The following BAG4 variants were observed in gnomAD, a reference collection of about 807,000 sequenced individuals.
BAG4 encodes the protein BAG cochaperone 4.
In BAG4, 28 loss-of-function variants were observed where a neutral mutation model predicts 52.1. The observed-to-expected ratio is 0.54, with a 90% CI of 0.40 to 0.74. The LOEUF (loss-of-function observed/expected upper bound fraction) is 0.74. Ranked by LOEUF, BAG4 falls within the 30% of genes least tolerant of loss-of-function variation. The pLI is 0.00. For synonymous variants in BAG4, 208 were observed against 217.0 expected, an observed-to-expected ratio of 0.96 and a Z score of 0.37; for missense variants, 525 against 572.0, an observed-to-expected ratio of 0.92 and a Z score of 0.84.
intron 2 of BAG4, among the ~76,000 whole-genome samples, chr8:38,197,852 A>G (rs1046941589): frequency 1.3e-5 from 2 of 151,910 alleles, no homozygotes; most frequent in Non-Finnish European, 2.9e-5. Context: ...GGCGTGTGCC[A>G]CCACACCTGG....
At chr8:38,203,613 G>T (rs1481268515) in intron 2 of BAG4, among the ~76,000 whole-genome samples, 1 of 151,998 alleles carries the variant, frequency 6.6e-6, no homozygotes, top group African/African-American at 2.4e-5. Flanking sequence ...TCCTGTTACA[G>T]ACATATGTAG....
chr8:38,198,592 A>ACC lies in BAG4; in HGVS notation c.378+5797_378+5798insCC, dbSNP rs1359718194. 2.8e-4 allele frequency among the ~76,000 whole-genome samples: 41 copies of ACC among 148,626 alleles called. No homozygotes were observed. In the South Asian group the frequency reaches 8.4e-3, roughly 31 times the overall value. The stretch of plus-strand genomic sequence containing the variant: ...CGACCTCCGCCTCCCAGGTTCAAGC[A>ACC]ATTCTCCTGCCTCAGCCTCCTGAGT... On this transcript the variant is annotated intron_variant, in intron 2 of 4. Coordinates refer to ENST00000287322, the MANE Select transcript of BAG4 (RefSeq NM_004874.4).
rs189394265 is a variant in BAG4, at chr8:38,206,279, A to G, written c.379-1233A>G. Among the ~76,000 whole-genome samples, 33 of 151,556 alleles carry G rather than the reference A, an allele frequency of 2.2e-4. No individual in the cohort carries two copies. The East Asian group carries it at 6.1e-3, about 28-fold the overall frequency. ...GACAGAGCAAGACTCCATCTTAAAA[A>G]AAAAAAAAAAAGTGATCCTCCCTTC... is the stretch of plus-strand genomic sequence containing the variant. On this transcript the variant is annotated intron_variant, in intron 2 of 4. Coordinates refer to ENST00000287322, the MANE Select transcript of BAG4 (RefSeq NM_004874.4).
At position 38,207,769 on chromosome 8, in the gene BAG4, G is replaced by A. The variant is rs1400514056; in HGVS notation, c.633+3G>A. 3.1e-6 allele frequency: 5 copies of A among 1,613,472 alleles called. No homozygotes were observed. In the African/African-American group the frequency reaches 4.0e-5, roughly 13 times the overall value. ...TTCCAGGATATCCGCCTTCACAGGTGAGTTGTTTTCTATTGGGAAAAAAAT... is the reference window on the plus strand; with the variant it reads ...TTCCAGGATATCCGCCTTCACAGGTAAGTTGTTTTCTATTGGGAAAAAAAT... On this transcript the variant is annotated splice_donor_region_variant and intron_variant, in intron 3 of 4. Transcript: ENST00000287322.
intron 2 of BAG4, among the ~76,000 whole-genome samples, chr8:38,200,473 ACTCT>A (rs751710873): frequency 5.3e-5 from 8 of 151,310 alleles, no homozygotes; most frequent in African/African-American, 1.7e-4. Context: ...AAAGAGATGG[ACTCT>A]CTCTCTCTTT....
intron 2 of BAG4, among the ~76,000 whole-genome samples, chr8:38,205,921 CTTT>C (rs869059707): frequency 7.2e-6 from 1 of 138,362 alleles, no homozygotes; most frequent in African/African-American, 2.6e-5. Flanking sequence ...TTAAAAATTA[CTTT>C]TTTTTTTTTT....
At chr8:38,184,637 C>T (rs1389894150) in intron 1 of BAG4, among the ~76,000 whole-genome samples, 1 of 152,098 alleles carries the variant, frequency 6.6e-6, no homozygotes, top group East Asian at 1.9e-4. Flanking sequence ...AATGGCATTG[C>T]GGTGTTGACA....
Position 38,210,163 on chromosome 8 carries a change from T to C in BAG4, c.1044T>C (p.Tyr348=). The change falls in exon 5 of 5, where the codon TAT becomes TAC. Residue 348 remains tyrosine (Y), a synonymous_variant. Transcript: ENST00000287322. Reference sequence around the variant, plus strand: ...AGTATAGTGCTGAGCCTCAGCTGTATGGTAATGCCACCAGTGACCATCCCA... The same window carrying C: ...AGTATAGTGCTGAGCCTCAGCTGTACGGTAATGCCACCAGTGACCATCCCA... The part of the protein sequence containing the change: ...QVQYSAEPQL[Y]GNATSDHPNN... 1.2e-6 allele frequency: 2 copies of C among 1,614,188 alleles called. No homozygotes were observed. The highest frequency in any genetic ancestry group is 1.7e-6 in the Non-Finnish European group (2 of 1,180,032).
rs1007719501 is a variant in BAG4 at position 38,209,413 on chromosome 8, G to A, written c.888+146G>A. 21 of 1,053,472 alleles carry A rather than the reference G, an allele frequency of 2.0e-5. No individual in the cohort carries two copies. In the African/African-American group the frequency reaches 2.3e-4, roughly 11 times the overall value. 65.3% of individuals were successfully genotyped at this position (1,053,472 alleles called of 1,614,324 possible). A position where few individuals can be genotyped will look rare whatever the true frequency, so the allele number is the denominator to read the frequency against. Reference sequence around the variant, plus strand: ...CTTATCTATAGCTTTACCTCAGCTCGGTTTCCTTTTTCTTTTTTTTAATAG... The same window carrying A: ...CTTATCTATAGCTTTACCTCAGCTCAGTTTCCTTTTTCTTTTTTTTAATAG... On this transcript the variant is annotated intron_variant, in intron 4 of 4. Coordinates refer to ENST00000287322, the MANE Select transcript of BAG4 (RefSeq NM_004874.4).
chr8:38,209,125 A>G lies in BAG4; in HGVS notation c.746A>G (p.Tyr249Cys). ...GATGCGTGGGCTTCTCCTGGTGCTT[A>G]TGGAATGGGTGGCCGTTATCCCTGG... The part of the protein sequence containing the change: ...QEDAWASPGA[Y>C]GMGGRYPWPS... The change falls in exon 4 of 5, where the codon TAT becomes TGT. Residue 249 changes from tyrosine (Y) to cysteine (C), a missense_variant. Physicochemically the swap from Tyr to Cys is radical, Grantham distance 194. This residue lies in a region of BAG4 where 238 missense variants were observed against 305.8 expected (regional missense o/e 0.78). Coordinates refer to ENST00000287322, the MANE Select transcript of BAG4 (RefSeq NM_004874.4). 1.9e-6 allele frequency: 3 copies of G among 1,614,116 alleles called. No individual in the cohort carries two copies. In the East Asian group the frequency reaches 6.7e-5, roughly 36 times the overall value.
chr8:38,202,130 C>G (rs1373235525), intron 2 of BAG4: 1 of 151,748 alleles, frequency 6.6e-6, no homozygotes, highest in African/African-American at 2.4e-5. Context: ...CGGAAGTTCA[C>G]AATCTCAGGC....
chr8:38,210,812 G>C lies in BAG4; in HGVS notation c.*319G>C. 1.0e-5 allele frequency: 2 copies of C among 198,116 alleles called. No individual in the cohort carries two copies. The highest frequency in any genetic ancestry group is 1.3e-4 in the South Asian group (1 of 7,870). The allele number at this position is 198,116 out of a possible 1,614,324, so 12.3% of individuals were successfully genotyped here. A position where few individuals can be genotyped will look rare whatever the true frequency, so the allele number is the denominator to read the frequency against. On this transcript the variant is annotated 3_prime_UTR_variant, in exon 5 of 5. Transcript: ENST00000287322. ...GAGGGAAACACACTTCACACAACAG[G>C]CTTATCAGAAACCTACCAGATGAAA...
chr8:38,180,827 G>C (rs1301691026), intron 1 of BAG4, among the ~76,000 whole-genome samples: 1 of 151,952 alleles, frequency 6.6e-6, no homozygotes, highest in African/African-American at 2.4e-5. Context: ...TAATATTTCA[G>C]AAGCATTGCT....
Position 38,211,609 on chromosome 8 carries a change from T to A in BAG4, c.*1116T>A, listed in dbSNP as rs1261854693. 5 of 152,094 alleles carry A rather than the reference T, an allele frequency of 3.3e-5. No homozygotes were observed. The highest frequency in any genetic ancestry group is 7.4e-5 in the Non-Finnish European group (5 of 67,964). The allele number at this position is 152,094 out of a possible 1,614,324, so 9.4% of individuals were successfully genotyped here. A position where few individuals can be genotyped will look rare whatever the true frequency, so the allele number is the denominator to read the frequency against. On this transcript the variant is annotated 3_prime_UTR_variant, in exon 5 of 5. Transcript: ENST00000287322. ...AAAAACAATGAGGGTAAAATGGGAT[T>A]CATGCTCAGGGAATGAATCAGCCAT...
rs201309879 is a variant in BAG4, at chr8:38,210,214, T to G, written c.1095T>G (p.Leu365=). The change falls in exon 5 of 5, where the codon CTT becomes CTG. Residue 365 remains leucine (L), a synonymous_variant. Transcript: ENST00000287322. ...ACAATCAAGATCAAAGTAGCAGTCT[T>G]CCTGAAGAATGTGTACCTTCAGATG... ...HPNNQDQSSS[L]PEECVPSDES... The G allele has an allele frequency of 1.7e-5, 28 of 1,614,110 alleles. No individual in the cohort carries two copies. The East Asian group carries it at 6.2e-4, about 36-fold the overall frequency.
intron 2 of BAG4, among the ~76,000 whole-genome samples, chr8:38,198,881 T>A (rs1197725459): frequency 2.6e-5 from 4 of 152,102 alleles, no homozygotes; most frequent in African/African-American, 9.7e-5. Flanking sequence ...AGTATCACTG[T>A]CTTTCACCTC....
chr8:38,189,252 T>C (rs548696356), intron 1 of BAG4, among the ~76,000 whole-genome samples: 1 of 152,226 alleles, frequency 6.6e-6, no homozygotes, highest in East Asian at 1.9e-4. Flanking sequence ...GCCTGAATTA[T>C]ATACTTTAAA....
chr8:38,194,856 T>TG (rs1563282226), intron 2 of BAG4, among the ~76,000 whole-genome samples: 1 of 149,352 alleles, frequency 6.7e-6, no homozygotes, highest in East Asian at 1.9e-4. Context: ...TGTTTTTTTT[T>TG]TTTTTTGTTT....
chr8:38,200,181 A>T (rs1803636913), intron 2 of BAG4, among the ~76,000 whole-genome samples: 1 of 150,956 alleles, frequency 6.6e-6, no homozygotes, highest in Admixed American at 6.6e-5. Context: ...TTTTTTTTGT[A>T]TTGTTAGTAG....
Sources: allele counts gnomAD v4.1 joint callset (sites outside exome capture counted in the v4.1 genomes callset), GRCh38; gene constraint gnomAD v4.1.1; regional missense constraint gnomAD v4.1.1; transcripts MANE v1.5; gene names NCBI Gene and HGNC (gene_info 2026-07-23, HGNC 2026-07-21).